The following PCDHGA7 variants were observed in gnomAD, a reference collection of about 807,000 sequenced individuals.
PCDHGA7 encodes protocadherin gamma subfamily A, 7.
Under a neutral mutation model 58.3 loss-of-function variants are expected in PCDHGA7, and 44 were observed. The observed-to-expected ratio is 0.75, with a 90% CI of 0.59 to 0.97. The LOEUF (loss-of-function observed/expected upper bound fraction) is 0.97, where lower values mean the gene tolerates loss of function less well. Among genes scored for constraint, PCDHGA7 ranks in the 50% least tolerant of loss-of-function variants. The pLI, the probability that PCDHGA7 is intolerant of heterozygous loss-of-function variation, is 0.00. For missense variants in PCDHGA7, 1,266 were observed against 1,188.7 expected (o/e 1.06, Z -0.96); for synonymous variants, 516 against 504.2 (o/e 1.02, Z -0.31).
In PCDHGA7 at chr5:141,383,749, A is replaced by G; in HGVS notation, c.850A>G (p.Ile284Val). Residue 284 changes from isoleucine (I) to valine (V), a missense_variant, in exon 1 of 4, where the codon ATA becomes GTA. Physicochemically the swap from Ile to Val is conservative, Grantham distance 29. Coordinates refer to ENST00000518325, the MANE Select transcript of PCDHGA7 (RefSeq NM_018920.4). ...NGEVTYSFRKITPKLPKMFHL... is the reference protein window; with the variant it reads ...NGEVTYSFRKVTPKLPKMFHL... ...GGAAGTGACATATTCTTTTCGGAAA[A>G]TAACTCCTAAACTTCCAAAGATGTT... The G allele has an allele frequency of 6.2e-7, 1 of 1,614,008 alleles. No homozygotes were observed. Among genetic ancestry groups the G allele is most frequent in the South Asian group, 1.1e-5 (1 of 91,088 alleles).
At position 141,393,057 on chromosome 5, in the gene PCDHGA7, G is replaced by C. The variant is rs1273747847; in HGVS notation, c.2424+7734G>C. 9 of 1,613,514 alleles carry C rather than the reference G, an allele frequency of 5.6e-6. No homozygotes were observed. The highest frequency in any genetic ancestry group is 2.2e-5 in the South Asian group (2 of 91,064). ...GCTCTTTGCTCTGAACCCGCGCAGC[G>C]GCAGCTTGATCACCGCGGGCAGGAT... On this transcript the variant is annotated intron_variant, in intron 1 of 3. Coordinates refer to ENST00000518325, the MANE Select transcript of PCDHGA7 (RefSeq NM_018920.4).
intron 1 of PCDHGA7, chr5:141,427,176 G>A (rs777424789): frequency 2.2e-6 from 1 of 456,742 alleles, no homozygotes; most frequent in Non-Finnish European, 4.4e-6. Context: ...TCAAAATGGG[G>A]AAATTAAATC....
intron 1 of PCDHGA7, chr5:141,419,373 TGTCC>T (rs761256298): frequency 6.2e-7 from 1 of 1,613,754 alleles, no homozygotes; most frequent in South Asian, 1.1e-5. Context: ...TCGTCCTACG[TGTCC>T]GTGAGCGCGC....
rs887814386 is a variant in PCDHGA7, at chr5:141,431,347, G to A, written c.2424+46024G>A. The A allele has an allele frequency of 1.9e-6, 3 of 1,614,098 alleles. No individual in the cohort carries two copies. The highest frequency in any genetic ancestry group is 2.5e-6 in the Non-Finnish European group (3 of 1,180,036). On this transcript the variant is annotated intron_variant, in intron 1 of 3. Coordinates refer to ENST00000518325, the MANE Select transcript of PCDHGA7 (RefSeq NM_018920.4). This position sits in a 1 kb window ranked among gnomAD's most constrained non-coding sequence, Gnocchi z 4.8. ...GTAGTAAGTACCCCGAATTGGTGCT[G>A]AAACGCGCCCTGGACCGCGAAGAAA...
At chr5:141,399,063 A>G (rs762517133) in intron 1 of PCDHGA7, 1 of 1,613,714 alleles carries the variant, frequency 6.2e-7, no homozygotes, top group South Asian at 1.1e-5. Flanking sequence ...AGGAATATTC[A>G]ATGGTTGTAG....
At chr5:141,398,811 C>T (rs1231007055) in intron 1 of PCDHGA7, 4 of 1,613,862 alleles carry the variant, frequency 2.5e-6, no homozygotes, top group Non-Finnish European at 3.4e-6. Context: ...CCACTGAGCT[C>T]CGGATCCAGG....
At chr5:141,461,592 A>G (rs777372149) in intron 1 of PCDHGA7, among the ~76,000 whole-genome samples, 4 of 152,148 alleles carry the variant, frequency 2.6e-5, no homozygotes, top group African/African-American at 2.4e-5. Flanking sequence ...TTATATTTCC[A>G]TTATAATTTA....
intron 1 of PCDHGA7, chr5:141,400,421 G>A (rs1158396440): frequency 1.2e-6 from 2 of 1,613,948 alleles, no homozygotes. Flanking sequence ...TTCCTAAAAT[G>A]TAGTGAGCAA....
chr5:141,413,024 C>G, intron 1 of PCDHGA7: 1 of 736,254 alleles, frequency 1.4e-6, no homozygotes, highest in Non-Finnish European at 2.1e-6. Context: ...ACAAGCCCCA[C>G]AAACCGGCTG....
intron 2 of PCDHGA7, among the ~76,000 whole-genome samples, chr5:141,499,675 T>A (rs1426498530): frequency 2.0e-5 from 3 of 150,746 alleles, no homozygotes; most frequent in African/African-American, 7.3e-5. Flanking sequence ...GTCTCCACCA[T>A]CTTTAACAGA....
At chr5:141,463,367 C>G (rs1437952082) in intron 1 of PCDHGA7, among the ~76,000 whole-genome samples, 1 of 151,748 alleles carries the variant, frequency 6.6e-6, no homozygotes, top group African/African-American at 2.4e-5. Context: ...CCTTTCCTGC[C>G]CCACAGTCTG....
At chr5:141,504,696 G>T (rs2099840373) in intron 2 of PCDHGA7, among the ~76,000 whole-genome samples, 1 of 151,438 alleles carries the variant, frequency 6.6e-6, no homozygotes, top group African/African-American at 2.4e-5. Flanking sequence ...GGAGGGGCAG[G>T]TTCTTCTATG....
chr5:141,490,232 A>G lies in PCDHGA7; in HGVS notation c.2425-4575A>G. 6.2e-7 allele frequency: 1 copy of G among 1,614,216 alleles called. No homozygotes were observed. Among genetic ancestry groups the G allele is most frequent in the Non-Finnish European group, 8.5e-7 (1 of 1,180,032 alleles). ...CGTGACCAGGGACAGCCTGCCATGG[A>G]GGGCCACTGTGTGATTCAAGTGGAT... On this transcript the variant is annotated intron_variant, in intron 1 of 3. Transcript: ENST00000518325. This position sits in a 1 kb window ranked among gnomAD's most constrained non-coding sequence, Gnocchi z 5.4.
At chr5:141,398,502 C>A in intron 1 of PCDHGA7, 1 of 1,596,962 alleles carries the variant, frequency 6.3e-7, no homozygotes, top group Admixed American at 1.7e-5. Flanking sequence ...AGATCGAGGA[C>A]ATTAATGACC....
At chr5:141,452,673 G>A (rs2098746812) in intron 1 of PCDHGA7, among the ~76,000 whole-genome samples, 1 of 151,896 alleles carries the variant, frequency 6.6e-6, no homozygotes, top group Non-Finnish European at 1.5e-5. Flanking sequence ...CTCCAGCCTA[G>A]GCCACAGAAT....
intron 1 of PCDHGA7, chr5:141,410,703 C>G (rs763776263): frequency 1.1e-5 from 16 of 1,467,494 alleles, no homozygotes; most frequent in Non-Finnish European, 9.1e-7. Flanking sequence ...ATTTTCATAT[C>G]TAGAATCATA....
chr5:141,474,967 T>G (rs745581213), intron 1 of PCDHGA7, among the ~76,000 whole-genome samples: 6 of 152,252 alleles, frequency 3.9e-5, no homozygotes, highest in Non-Finnish European at 7.3e-5. Context: ...TCCTAATCAT[T>G]ATAATTTTGT....
intron 1 of PCDHGA7, chr5:141,404,948 G>A (rs756928954): frequency 3.1e-6 from 5 of 1,613,838 alleles, no homozygotes; most frequent in African/African-American, 1.3e-5. Flanking sequence ...AGCCATAGCT[G>A]ACAGCATCCC....
intron 1 of PCDHGA7, among the ~76,000 whole-genome samples, chr5:141,447,275 G>A (rs2098532748): frequency 1.3e-5 from 2 of 152,154 alleles, no homozygotes; most frequent in South Asian, 2.1e-4. Context: ...AAGTAGCTGG[G>A]ACTACAGGCA....
Sources: allele counts gnomAD v4.1 joint callset (sites outside exome capture counted in the v4.1 genomes callset), GRCh38; gene constraint gnomAD v4.1.1; non-coding constraint Gnocchi (gnomAD v3.1); transcripts MANE v1.5; gene names NCBI Gene and HGNC (gene_info 2026-07-23, HGNC 2026-07-21).